Variants in UNC80 observed in about 807,000 individuals in gnomAD.
The protein encoded by UNC80 is protein unc-80 homolog.
A neutral mutation model predicts 384.6 loss-of-function variants in UNC80; 164 were observed. That is an observed-to-expected ratio of 0.43 (90% confidence interval 0.38 to 0.49). The LOEUF (loss-of-function observed/expected upper bound fraction) is 0.49, where lower values mean the gene tolerates loss of function less well. Ranked by LOEUF, UNC80 falls within the 20% of genes least tolerant of loss-of-function variation. The pLI is 0.00. For missense variants in UNC80, 3,330 were observed against 4,143.0 expected (o/e 0.80, Z 5.39); for synonymous variants, 1,486 against 1,527.8 (o/e 0.97, Z 0.64).
At chr2:209,785,309 G>T (rs1393315303) in intron 4 of UNC80, among the ~76,000 whole-genome samples, 1 of 152,186 alleles carries the variant, frequency 6.6e-6, no homozygotes, top group African/African-American at 2.4e-5. Context: ...AGAATGTCAT[G>T]TATTTGTACT....
At chr2:209,909,978 T>C (rs1368877562) in intron 29 of UNC80, among the ~76,000 whole-genome samples, 2 of 151,756 alleles carry the variant, frequency 1.3e-5, no homozygotes, top group Non-Finnish European at 2.9e-5. Flanking sequence ...CCCTAATCTC[T>C]ATTTATCACT....
chr2:209,978,468 C>T (rs1228408119), intron 58 of UNC80, 61 bp from the exon 59 acceptor site: 6 of 1,392,994 alleles, frequency 4.3e-6, no homozygotes, highest in Non-Finnish European at 1.9e-6. Flanking sequence ...TCAGGGAGGA[C>T]TTTGAAGTGG....
chr2:209,859,675 A>G (rs568659581), intron 22 of UNC80, among the ~76,000 whole-genome samples: 463 of 152,282 alleles, frequency 3.0e-3, no homozygotes, highest in African/African-American at 0.01. Flanking sequence ...CTATTTCTCC[A>G]CAGCCTCACC....
chr2:209,993,173 A>T, intron 62 of UNC80, 142 bp from the exon 63 acceptor site: 1 of 598,804 alleles, frequency 1.7e-6, no homozygotes, highest in Non-Finnish European at 2.8e-6. Flanking sequence ...AAATACTTAT[A>T]GTTAAATATG....
chr2:209,886,430 T>A (rs984331833), intron 25 of UNC80, among the ~76,000 whole-genome samples: 1 of 151,712 alleles, frequency 6.6e-6, no homozygotes, highest in African/African-American at 2.4e-5. Flanking sequence ...AATTAAAAAA[T>A]TAGAAAATTA....
chr2:209,839,555 A>T lies in UNC80; in HGVS notation c.3250+125A>T, dbSNP rs2081588794. 2 of 925,818 alleles carry T rather than the reference A, an allele frequency of 2.2e-6. No individual in the cohort carries two copies. The highest frequency in any genetic ancestry group is 3.2e-6 in the Non-Finnish European group (2 of 619,742). The allele number at this position is 925,818 out of a possible 1,614,324, so 57.4% of individuals were successfully genotyped here. A position where few individuals can be genotyped will look rare whatever the true frequency, so the allele number is the denominator to read the frequency against. On this transcript the variant is annotated intron_variant, in intron 19 of 64. Coordinates refer to ENST00000673920, the MANE Select transcript of UNC80 (RefSeq NM_001371986.1). This position sits in a 1 kb window ranked among gnomAD's most constrained non-coding sequence, Gnocchi z 4.1. Reference sequence around the variant, plus strand: ...AAGTCATAAGACCTAGACTGACTTCATTCATTCATTCATTTAATTTTTCCC... The same window carrying T: ...AAGTCATAAGACCTAGACTGACTTCTTTCATTCATTCATTTAATTTTTCCC...
intron 47 of UNC80, among the ~76,000 whole-genome samples, chr2:209,951,243 G>A (rs2092165694): frequency 6.6e-6 from 1 of 151,782 alleles, no homozygotes; most frequent in African/African-American, 2.4e-5. Context: ...CATATCTGTT[G>A]AAAAATCAGC....
At chr2:209,925,054 C>T (rs1457048389) in intron 35 of UNC80, among the ~76,000 whole-genome samples, 1 of 151,420 alleles carries the variant, frequency 6.6e-6, no homozygotes, top group African/African-American at 2.4e-5. Flanking sequence ...GTGAGTAGGA[C>T]AAGTTAAAAA....
intron 16 of UNC80, among the ~76,000 whole-genome samples, chr2:209,833,034 T>C (rs2286852): frequency 0.091 from 13,781 of 152,190 alleles, 960 homozygotes; most frequent in East Asian, 0.23. Context: ...ATCTTTCCTT[T>C]TTGGAGTCTT....
At chr2:209,772,999 G>C in intron 1 of UNC80, 95 bp from the exon 2 acceptor site, 1 of 988,196 alleles carries the variant, frequency 1.0e-6, no homozygotes, top group South Asian at 1.5e-5. Flanking sequence ...GAATTTCATA[G>C]CATCCTGTCT....
At chr2:209,844,486 TCCTTCC>T (rs1559186074) in intron 21 of UNC80, among the ~76,000 whole-genome samples, 2 of 91,788 alleles carry the variant, frequency 2.2e-5, no homozygotes, top group Admixed American at 1.1e-4. Flanking sequence ...TTTCCTTCCT[TCCTTCC>T]TTCCTTCCTT....
chr2:209,965,319 C>G (rs528053811), intron 51 of UNC80, among the ~76,000 whole-genome samples: 5 of 152,180 alleles, frequency 3.3e-5, no homozygotes, highest in African/African-American at 9.6e-5. Flanking sequence ...CACCTGTAGT[C>G]CCAGCTACTT....
Position 209,793,894 on chromosome 2 carries a change from A to G in UNC80, c.938+35A>G, listed in dbSNP as rs772257403. ...TGCAATGTTAGGGACAAAATGTGTC[A>G]CTGGTCACCAAAAATCAAATATGCA... On this transcript the variant is annotated intron_variant, in intron 7 of 64. Transcript: ENST00000673920. 2.5e-6 allele frequency: 4 copies of G among 1,609,318 alleles called. No individual in the cohort carries two copies. The South Asian group carries it at 3.3e-5, about 13-fold the overall frequency.
At chr2:209,917,290 A>G (rs143578636) in intron 31 of UNC80, among the ~76,000 whole-genome samples, 10 of 152,322 alleles carry the variant, frequency 6.6e-5, no homozygotes, top group Middle Eastern at 3.4e-3. Flanking sequence ...ATTATGACTC[A>G]TTAAATCTCT....
chr2:209,799,279 G>C (rs537899600), intron 7 of UNC80, among the ~76,000 whole-genome samples: 16 of 151,956 alleles, frequency 1.1e-4, no homozygotes, highest in African/African-American at 3.6e-4. Flanking sequence ...TCCTTGAAAA[G>C]GTCCTTCATA....
At position 209,972,340 on chromosome 2, in the gene UNC80, C is replaced by G; in HGVS notation, c.8380+16C>G. 1 of 1,548,184 alleles carries G rather than the reference C, an allele frequency of 6.5e-7. No individual in the cohort carries two copies. The highest frequency in any genetic ancestry group is 8.7e-7 in the Non-Finnish European group (1 of 1,145,724). On this transcript the variant is annotated intron_variant, in intron 55 of 64. Transcript: ENST00000673920. ...GGAAGCAAAGGTCTGATTAATTTAA[C>G]TAAAGGAAATTTATCATTGTTGTTG...
chr2:209,864,796 T>G (rs1266333167), intron 22 of UNC80, among the ~76,000 whole-genome samples: 1 of 152,190 alleles, frequency 6.6e-6, no homozygotes, highest in Non-Finnish European at 1.5e-5. Flanking sequence ...GTTAGGTCAT[T>G]GCGAGTCCCA....
intron 4 of UNC80, among the ~76,000 whole-genome samples, chr2:209,784,458 C>CT (rs2077314966): frequency 6.6e-6 from 1 of 151,764 alleles, no homozygotes. Context: ...TTTTTTTCTG[C>CT]TTTTCTCACA....
chr2:209,981,628 T>C (rs2093160169), intron 59 of UNC80, among the ~76,000 whole-genome samples: 1 of 152,216 alleles, frequency 6.6e-6, no homozygotes, highest in Admixed American at 6.5e-5. Flanking sequence ...TCTGCTTCTA[T>C]GGAGAAAACA....
Sources: gnomAD v4.1 joint callset for allele counts (sites outside exome capture counted in the v4.1 genomes callset) on GRCh38, gnomAD v4.1.1 for gene constraint, Gnocchi (gnomAD v3.1) non-coding constraint, MANE v1.5 for transcripts, NCBI Gene and HGNC (gene_info 2026-07-23, HGNC 2026-07-21) for gene names.